The following GABRG3 variants were observed in gnomAD, a reference collection of about 807,000 sequenced individuals.
GABRG3 encodes gamma-aminobutyric acid type A receptor subunit gamma3, also known as gamma-aminobutyric acid receptor subunit gamma-3.
Under a neutral mutation model 48.8 loss-of-function variants are expected in GABRG3, and 25 were observed. The observed-to-expected ratio is 0.51, with a 90% CI of 0.37 to 0.72. The LOEUF (loss-of-function observed/expected upper bound fraction) is 0.72, where lower values mean the gene tolerates loss of function less well. Among genes scored for constraint, GABRG3 ranks in the 30% least tolerant of loss-of-function variants. The pLI is 0.00. For missense variants in GABRG3, 394 were observed against 577.9 expected, an observed-to-expected ratio of 0.68 and a Z score of 3.26; for synonymous variants, 227 against 217.6, an observed-to-expected ratio of 1.04 and a Z score of -0.38.
At chr15:27,268,228 A>G (rs916366650) in intron 3 of GABRG3, among the ~76,000 whole-genome samples, 1 of 152,210 alleles carries the variant, frequency 6.6e-6, no homozygotes, top group African/African-American at 2.4e-5. Flanking sequence ...ATATAAAGAT[A>G]CTCAGATTAT....
chr15:27,281,501 G>T, intron 3 of GABRG3, among the ~76,000 whole-genome samples: 1 of 146,576 alleles, frequency 6.8e-6, no homozygotes, highest in Admixed American at 6.8e-5. Context: ...GTTACACTTT[G>T]ATTTACCTAT....
intron 3 of GABRG3, among the ~76,000 whole-genome samples, chr15:27,099,337 A>G (rs999772394): frequency 6.6e-6 from 1 of 152,104 alleles, no homozygotes; most frequent in East Asian, 1.9e-4. Flanking sequence ...ACCATTCTGG[A>G]GGCTGGAAGT....
At chr15:27,077,676 C>T (rs539634712) in intron 3 of GABRG3, among the ~76,000 whole-genome samples, 62 of 152,280 alleles carry the variant, frequency 4.1e-4, no homozygotes, top group African/African-American at 1.5e-3. Flanking sequence ...AAGATGGAAG[C>T]AACCATTTTC....
In GABRG3 at chr15:27,031,052, A is replaced by G. The variant is rs1896076054; in HGVS notation, c.270+4231A>G. Among the ~76,000 whole-genome samples the G allele has an allele frequency of 3.6e-5, 4 of 112,604 alleles. 1 individual carries two copies. The highest frequency in any genetic ancestry group is 9.4e-5 in the Admixed American group (1 of 10,602). The allele number at this position is 112,604 out of a possible 152,430, so 73.9% of individuals were successfully genotyped here. A position where few individuals can be genotyped will look rare whatever the true frequency, so the allele number is the denominator to read the frequency against. The stretch of plus-strand genomic sequence containing the variant: ...AGAGTTCCCCTATATATTTTCCTCT[A>G]CACACACACAGACACACACACACAC... On this transcript the variant is annotated intron_variant, in intron 3 of 9. Transcript: ENST00000615808.
chr15:27,342,169 A>G (rs901683174), intron 5 of GABRG3, among the ~76,000 whole-genome samples: 2 of 152,216 alleles, frequency 1.3e-5, no homozygotes, highest in African/African-American at 2.4e-5. Context: ...GCAGTGGCCA[A>G]AGAACAGTGA....
intron 6 of GABRG3, among the ~76,000 whole-genome samples, chr15:27,515,894 A>G (rs1891006460): frequency 6.6e-6 from 1 of 152,204 alleles, no homozygotes; most frequent in Non-Finnish European, 1.5e-5. Flanking sequence ...GAGCTCATAC[A>G]TTAGAAATAC....
intron 3 of GABRG3, among the ~76,000 whole-genome samples, chr15:27,210,903 A>G (rs941110668): frequency 3.9e-5 from 6 of 152,230 alleles, no homozygotes; most frequent in Non-Finnish European, 7.3e-5. Flanking sequence ...TCCTCTCTAC[A>G]TAGGTCTCTC....
chr15:27,166,592 A>G (rs1887381215), intron 3 of GABRG3, among the ~76,000 whole-genome samples: 1 of 152,020 alleles, frequency 6.6e-6, no homozygotes, highest in Non-Finnish European at 1.5e-5. Context: ...TTCAGCTCCC[A>G]TGACTCGCAG....
chr15:27,036,113 A>G (rs117879646), intron 3 of GABRG3, among the ~76,000 whole-genome samples: 3 of 152,244 alleles, frequency 2.0e-5, no homozygotes, highest in Non-Finnish European at 4.4e-5. Context: ...ATGAGGCTTC[A>G]GTTTATTTGA....
intron 3 of GABRG3, among the ~76,000 whole-genome samples, chr15:27,286,339 G>A (rs991092592): frequency 3.4e-4 from 52 of 152,290 alleles, no homozygotes; most frequent in African/African-American, 1.1e-3. Context: ...CTGGAATCTG[G>A]GCCATTTTCT....
intron 3 of GABRG3, among the ~76,000 whole-genome samples, chr15:27,139,964 A>G (rs1437865830): frequency 6.6e-6 from 1 of 152,144 alleles, no homozygotes; most frequent in Non-Finnish European, 1.5e-5. Flanking sequence ...ACCCAAAAGG[A>G]TTGGGTTCAG....
intron 3 of GABRG3, chr15:27,271,528 A>G: frequency 2.2e-6 from 1 of 455,904 alleles, no homozygotes; most frequent in Non-Finnish European, 4.4e-6. Context: ...CACGCCCTTT[A>G]GGAGATCTCC....
At chr15:27,124,387 G>A (rs1418700578) in intron 3 of GABRG3, among the ~76,000 whole-genome samples, 5 of 152,144 alleles carry the variant, frequency 3.3e-5, no homozygotes, top group African/African-American at 2.4e-5. Flanking sequence ...AAGGCCAGTG[G>A]CTCTGCTGCT....
At chr15:27,300,566 A>G (rs1218910040) in intron 3 of GABRG3, among the ~76,000 whole-genome samples, 3 of 151,724 alleles carry the variant, frequency 2.0e-5, no homozygotes, top group African/African-American at 4.8e-5. Context: ...CTGAGGCAGG[A>G]GAATCGCTTG....
At chr15:27,223,207 T>C (rs1889505521) in intron 3 of GABRG3, among the ~76,000 whole-genome samples, 1 of 152,238 alleles carries the variant, frequency 6.6e-6, no homozygotes, top group Non-Finnish European at 1.5e-5. Context: ...GTATTTTGTT[T>C]ATTGTGTCAA....
chr15:27,064,093 A>T (rs1459214647), intron 3 of GABRG3, among the ~76,000 whole-genome samples: 1 of 151,720 alleles, frequency 6.6e-6, no homozygotes, highest in Non-Finnish European at 1.5e-5. Context: ...TTGAGTTTGG[A>T]GAGAGAAATG....
chr15:27,259,913 C>A (rs889002365), intron 3 of GABRG3, among the ~76,000 whole-genome samples: 1 of 152,148 alleles, frequency 6.6e-6, no homozygotes, highest in South Asian at 2.1e-4. Context: ...TTTTGCGACC[C>A]CAGGGATCAA....
chr15:27,003,948 C>T (rs1371624928), intron 2 of GABRG3, among the ~76,000 whole-genome samples: 2 of 149,156 alleles, frequency 1.3e-5, no homozygotes, highest in East Asian at 2.1e-4. Flanking sequence ...GCGCCCCTCA[C>T]CTCCTGGACG....
chr15:27,287,502 A>G (rs1302041991), intron 3 of GABRG3, among the ~76,000 whole-genome samples: 1 of 152,234 alleles, frequency 6.6e-6, no homozygotes, highest in African/African-American at 2.4e-5. Flanking sequence ...CCTGAAAGAA[A>G]TGAAAATTGG....
Sources: allele counts gnomAD v4.1 joint callset (sites outside exome capture counted in the v4.1 genomes callset), GRCh38; gene constraint gnomAD v4.1.1; transcripts MANE v1.5; gene names NCBI Gene and HGNC (gene_info 2026-07-23, HGNC 2026-07-21).